BBS2: variants seen among roughly 807,000 people sequenced by gnomAD.
BBS2 encodes the protein Bardet-Biedl syndrome 2.
Under a neutral mutation model 83.0 loss-of-function variants are expected in BBS2, and 62 were observed. That is an observed-to-expected ratio of 0.75 (90% CI 0.61 to 0.92). BBS2 has a LOEUF of 0.92. Among genes scored for constraint, BBS2 ranks in the 40% least tolerant of loss-of-function variants. BBS2 has a pLI of 0.00. For synonymous variants in BBS2, 303 were observed against 326.1 expected (o/e 0.93, Z 0.76); for missense variants, 784 against 901.0 (o/e 0.87, Z 1.66).
intron 5 of BBS2, among the ~76,000 whole-genome samples, chr16:56,508,198 G>T (rs1964475547): frequency 6.6e-6 from 1 of 152,202 alleles, no homozygotes; most frequent in Non-Finnish European, 1.5e-5. Flanking sequence ...CAATGTGTAG[G>T]TTTTGCTTTT....
chr16:56,470,804 T>C (rs747717724), intron 17 of BBS2: 36 of 1,566,690 alleles, frequency 2.3e-5, no homozygotes, highest in Non-Finnish European at 3.0e-5. Flanking sequence ...AAGCTGTTGT[T>C]AGGATTTGTC....
downstream of BBS2, among the ~76,000 whole-genome samples, chr16:56,480,128 G>A (rs1198268458): frequency 2.6e-5 from 4 of 152,058 alleles, no homozygotes; most frequent in East Asian, 5.8e-4. Context: ...AAAATAAAAT[G>A]TCTAAGGAAG....
intron 17 of BBS2, among the ~76,000 whole-genome samples, chr16:56,473,625 A>G (rs1963306330): frequency 1.3e-5 from 2 of 151,918 alleles, no homozygotes; most frequent in Non-Finnish European, 2.9e-5. Flanking sequence ...CAACTTGCTT[A>G]TTCTTTAGGT....
intron 11 of BBS2, chr16:56,500,526 G>A (rs1331525139): frequency 9.6e-6 from 3 of 313,588 alleles, no homozygotes; most frequent in South Asian, 3.1e-5. Flanking sequence ...TCAGGAGGCT[G>A]AGGCAGAAGA....
chr16:56,494,410 G>C (rs1964054839), intron 15 of BBS2, among the ~76,000 whole-genome samples: 1 of 151,828 alleles, frequency 6.6e-6, no homozygotes. Context: ...CATTGAAAAG[G>C]CCTAAAAACA....
chr16:56,473,498 A>C (rs1212995084), intron 17 of BBS2, among the ~76,000 whole-genome samples: 1 of 152,218 alleles, frequency 6.6e-6, no homozygotes, highest in East Asian at 1.9e-4. Context: ...AGACTGCTCA[A>C]AATTTTAAGG....
intron 11 of BBS2, 72 bp downstream of exon 11, chr16:56,500,782 T>C (rs1192190051): frequency 6.7e-7 from 1 of 1,502,932 alleles, no homozygotes; most frequent in Non-Finnish European, 9.2e-7. Context: ...CCACTGGGCA[T>C]ATGGAAAATT....
chr16:56,496,650 C>T (rs1450166164), intron 15 of BBS2, among the ~76,000 whole-genome samples: 8 of 152,152 alleles, frequency 5.3e-5, no homozygotes, highest in Non-Finnish European at 8.8e-5. Flanking sequence ...CATCCACTGT[C>T]GCTACACTGT....
At chr16:56,479,467 G>T (rs1489235056), downstream of BBS2, among the ~76,000 whole-genome samples, 1 of 152,140 alleles carries the variant, frequency 6.6e-6, no homozygotes, top group Non-Finnish European at 1.5e-5. Flanking sequence ...AACAGAACAA[G>T]AATCCGTCTC....
At chr16:56,503,666 T>C (rs1291145563) in intron 7 of BBS2, among the ~76,000 whole-genome samples, 3 of 152,252 alleles carry the variant, frequency 2.0e-5, no homozygotes, top group Non-Finnish European at 4.4e-5. Context: ...ACGCCTGTAA[T>C]GCCAGCACTT....
At position 56,498,459 on chromosome 16, in the gene BBS2, A is replaced by G; in HGVS notation, c.1637T>C (p.Ile546Thr). 6.2e-7 allele frequency: 1 copy of G among 1,614,038 alleles called. No individual in the cohort carries two copies. Among genetic ancestry groups the G allele is most frequent in the Non-Finnish European group, 8.5e-7 (1 of 1,179,996 alleles). The change falls in exon 13 of 17, where the codon ATA becomes ACA. Residue 546 changes from isoleucine to threonine, a missense_variant. Coordinates refer to ENST00000245157, the MANE Select transcript of BBS2 (RefSeq NM_031885.5). ...TSLRNGGHLHIKIKLSGEITI... is the reference protein window; with the variant it reads ...TSLRNGGHLHTKIKLSGEITI... ...TACCTCTCCACTAAGTTTTATTTTTATATGCAGGTGGCCGCCATTCCGTAA... is the reference window on the plus strand; with the variant it reads ...TACCTCTCCACTAAGTTTTATTTTTGTATGCAGGTGGCCGCCATTCCGTAA...
chr16:56,471,285 C>T (rs964395231), intron 17 of BBS2, among the ~76,000 whole-genome samples: 5 of 150,910 alleles, frequency 3.3e-5, no homozygotes, highest in Non-Finnish European at 7.4e-5. Flanking sequence ...TCACTTGAAC[C>T]GGGGAGGAGG....
At chr16:56,494,806 C>CA (rs777072334) in intron 15 of BBS2, among the ~76,000 whole-genome samples, 1 of 151,708 alleles carries the variant, frequency 6.6e-6, no homozygotes, top group Non-Finnish European at 1.5e-5. Context: ...ACTGAAAATA[C>CA]AAAAAATTAG....
Position 56,497,759 on chromosome 16 carries a change from C to T in BBS2, c.1781G>A (p.Arg594Gln), listed in dbSNP as rs774486181. The T allele has an allele frequency of 4.3e-6, 7 of 1,613,322 alleles. No individual in the cohort carries two copies. Among genetic ancestry groups the T allele is most frequent in the African/African-American group, 1.3e-5 (1 of 74,866 alleles). Residue 594 changes from arginine (R) to glutamine (Q), a missense_variant, in exon 14 of 17, where the codon CGA becomes CAA. Arg to Gln is a conservative substitution (Grantham distance 43). Coordinates refer to ENST00000245157, the MANE Select transcript of BBS2 (RefSeq NM_031885.5). Reference sequence around the variant, plus strand: ...TTCCCTCACCTTAACTAGCACCTTTCGTAATTCCTCAAAATAGACAGGAAA... The same window carrying T: ...TTCCCTCACCTTAACTAGCACCTTTTGTAATTCCTCAAAATAGACAGGAAA... ...ADFPVYFEEL[R>Q]KVLVKVDEYH...
At chr16:56,492,070 A>G (rs1014007566) in intron 15 of BBS2, among the ~76,000 whole-genome samples, 4 of 151,432 alleles carry the variant, frequency 2.6e-5, no homozygotes, top group Non-Finnish European at 2.9e-5. Flanking sequence ...AAAAATTTAA[A>G]TTTTTAATTT....
At chr16:56,497,595 C>G in intron 14 of BBS2, 148 bp downstream of exon 14, 3 of 1,024,156 alleles carry the variant, frequency 2.9e-6, no homozygotes, top group Non-Finnish European at 4.5e-6. Flanking sequence ...GTAGTAAACT[C>G]TCCAATACTA....
chr16:56,511,110 A>C (rs763592026), intron 3 of BBS2, 49 bp downstream of exon 3: 1 of 1,612,036 alleles, frequency 6.2e-7, no homozygotes, highest in South Asian at 1.1e-5. Flanking sequence ...AAGAACATTA[A>C]AAGTAAAAAT....
At position 56,510,858 on chromosome 16, in the gene BBS2, C is replaced by T; in HGVS notation, c.534+1G>A. 1 of 1,614,016 alleles carries T rather than the reference C, an allele frequency of 6.2e-7. No individual in the cohort carries two copies. The highest frequency in any genetic ancestry group is 8.5e-7 in the Non-Finnish European group (1 of 1,179,912). On this transcript the variant is annotated splice_donor_variant, in intron 4 of 16. Transcript: ENST00000245157. LOFTEE classifies it high-confidence loss of function. ...AGAGAGATATCTCCTCCCCCACATA[C>T]CTCTTTCTTTCCATCACCATCAAAG...
At position 56,500,863 on chromosome 16, in the gene BBS2, T is replaced by C; in HGVS notation, c.1388A>G (p.Tyr463Cys). 1 of 1,614,096 alleles carries C rather than the reference T, an allele frequency of 6.2e-7. No homozygotes were observed. The highest frequency in any genetic ancestry group is 8.5e-7 in the Non-Finnish European group (1 of 1,179,988). The change falls in exon 11 of 17, where the codon TAC becomes TGC. Residue 463 changes from tyrosine (Y) to cysteine (C), a missense_variant. Tyr to Cys is a radical substitution (Grantham distance 194). Coordinates refer to ENST00000245157, the MANE Select transcript of BBS2 (RefSeq NM_031885.5). The part of the protein sequence containing the change: ...VDLHLKAFVG[Y>C]RSSTQFHVFE... ...ACTTGCAAAGGGTCACCTGCTTCTG[T>C]AACCCACGAATGCCTTCAAGTGCAG...
Sources: allele counts gnomAD v4.1 joint callset (sites outside exome capture counted in the v4.1 genomes callset), GRCh38; gene constraint gnomAD v4.1.1; transcripts MANE v1.5; gene names NCBI Gene and HGNC (gene_info 2026-07-23, HGNC 2026-07-21).